A1CF: variants seen among roughly 807,000 people sequenced by gnomAD.
The protein encoded by A1CF is APOBEC1 complementation factor.
Under a neutral mutation model 68.9 loss-of-function variants are expected in A1CF, and 48 were observed. The ratio of observed to expected loss-of-function variants is 0.70; its 90% CI spans 0.55 to 0.89. The LOEUF is 0.89. Ranked by LOEUF, A1CF falls within the 40% of genes least tolerant of loss-of-function variation. The pLI, the probability that A1CF is intolerant of heterozygous loss-of-function variation, is 0.00. For missense variants in A1CF, 653 were observed against 718.9 expected, an observed-to-expected ratio of 0.91 and a Z score of 1.05; for synonymous variants, 272 against 260.4, an observed-to-expected ratio of 1.04 and a Z score of -0.43.
rs190187893 is a variant in A1CF, at chr10:50,877,334, A to G, written c.-94+8247T>C. ...TTCATTCATTCATACTTCTAGTGTTATGTTTCTCCCTCTCTTTTTAACCTT... is the reference window on the plus strand; with the variant it reads ...TTCATTCATTCATACTTCTAGTGTTGTGTTTCTCCCTCTCTTTTTAACCTT... On this transcript the variant is annotated intron_variant, in intron 1 of 12. Transcript: ENST00000373997. Among the ~76,000 whole-genome samples the G allele has an allele frequency of 8.5e-3, 1,292 of 152,212 alleles. 15 individuals carry two copies. Among genetic ancestry groups the G allele is most frequent in the African/African-American group, 0.03 (1,227 of 41,550 alleles).
chr10:50,864,626 C>CT lies in A1CF; in HGVS notation c.-93-547dup, dbSNP rs565026755. Among the ~76,000 whole-genome samples the CT allele has an allele frequency of 4.2e-4, 64 of 151,384 alleles. 2 individuals carry two copies. In the South Asian group the frequency reaches 9.8e-3, roughly 23 times the overall value. On this transcript the variant is annotated intron_variant, in intron 1 of 12. Coordinates refer to ENST00000373997, the MANE Select transcript of A1CF (RefSeq NM_014576.4). ...TAAAAATGGTCCCCTCTTTTCTTTA[C>CT]TTTTTTTTTGAGATGGAGTTTTGCT...
intron 1 of A1CF, among the ~76,000 whole-genome samples, chr10:50,865,681 T>C (rs1043980862): frequency 6.6e-6 from 1 of 152,128 alleles, no homozygotes; most frequent in Non-Finnish European, 1.5e-5. Context: ...TGGAATCTCT[T>C]TTCCTTCCCA....
chr10:50,815,914 C>T, intron 9 of A1CF, 92 bp downstream of exon 9: 3 of 1,412,178 alleles, frequency 2.1e-6, no homozygotes, highest in Non-Finnish European at 9.6e-7. Flanking sequence ...TGCTTTTCTC[C>T]AAGTGGACCC....
At chr10:50,824,593 T>C (rs1838833440) in intron 7 of A1CF, 1 of 152,216 alleles carries the variant, frequency 6.6e-6, no homozygotes, top group Non-Finnish European at 1.5e-5. Flanking sequence ...CTGGAATTTC[T>C]TAAACTTTTT....
intron 1 of A1CF, among the ~76,000 whole-genome samples, chr10:50,873,826 T>C (rs1841382167): frequency 6.6e-6 from 1 of 151,996 alleles, no homozygotes; most frequent in African/African-American, 2.4e-5. Context: ...CTGGAAAAAT[T>C]GCACTGTAAT....
intron 1 of A1CF, among the ~76,000 whole-genome samples, chr10:50,872,734 G>T (rs1451182055): frequency 6.6e-6 from 1 of 151,970 alleles, no homozygotes; most frequent in Non-Finnish European, 1.5e-5. Flanking sequence ...AGTGGTGTGG[G>T]TGGATTGTCT....
At chr10:50,861,555 ATAT>A (rs1840747089) in intron 2 of A1CF, among the ~76,000 whole-genome samples, 1 of 148,224 alleles carries the variant, frequency 6.7e-6, no homozygotes, top group South Asian at 2.1e-4. Flanking sequence ...CTACCTACTA[ATAT>A]TAGTATTAAT....
chr10:50,861,412 T>C (rs1840740263), intron 2 of A1CF, among the ~76,000 whole-genome samples: 1 of 149,432 alleles, frequency 6.7e-6, no homozygotes, highest in Non-Finnish European at 1.5e-5. Context: ...TCACTAATAG[T>C]AGTAATGATA....
Position 50,802,748 on chromosome 10 carries a change from A to T in A1CF, c.*3981T>A, listed in dbSNP as rs1479397868. ...ATAGGTTAGAATGCAATGAAAATTT[A>T]CCCCGAATATTAACTTGATTGCCCT... On this transcript the variant is annotated 3_prime_UTR_variant, in exon 13 of 13. Transcript: ENST00000373997. 1 of 152,170 alleles carries T rather than the reference A, an allele frequency of 6.6e-6. No homozygotes were observed. The highest frequency in any genetic ancestry group is 2.4e-5 in the African/African-American group (1 of 41,446). 9.4% of individuals were successfully genotyped at this position (152,170 alleles called of 1,614,324 possible). A position where few individuals can be genotyped will look rare whatever the true frequency, so the allele number is the denominator to read the frequency against.
intron 6 of A1CF, among the ~76,000 whole-genome samples, chr10:50,832,356 C>T (rs1016145831): frequency 2.0e-5 from 3 of 152,130 alleles, no homozygotes; most frequent in Non-Finnish European, 4.4e-5. Flanking sequence ...CGTTACTGAC[C>T]TCTGGACTAC....
rs140381811 is a variant in A1CF at position 50,808,246 on chromosome 10, C to T, written c.1610-1366G>A. ...TTGGAGCCTATTATTCTTTGCTTGACTCCACAGCAAAGTTATAAGAGAGGC... is the reference window on the plus strand; with the variant it reads ...TTGGAGCCTATTATTCTTTGCTTGATTCCACAGCAAAGTTATAAGAGAGGC... On this transcript the variant is annotated intron_variant, in intron 12 of 12. Transcript: ENST00000373997. Among the ~76,000 whole-genome samples the T allele has an allele frequency of 3.8e-3, 573 of 152,250 alleles. 3 individuals carry two copies. Among genetic ancestry groups the T allele is most frequent in the African/African-American group, 0.013 (530 of 41,550 alleles).
At chr10:50,814,119 C>G in intron 9 of A1CF, 81 bp from the exon 10 acceptor site, 1 of 1,527,874 alleles carries the variant, frequency 6.5e-7, no homozygotes. Flanking sequence ...CACCCTGAAT[C>G]TTACTGTAAT....
chr10:50,871,476 A>T (rs1429671470), intron 1 of A1CF, among the ~76,000 whole-genome samples: 1 of 152,046 alleles, frequency 6.6e-6, no homozygotes, highest in Admixed American at 6.6e-5. Flanking sequence ...CAATGAAATT[A>T]TTCTGAAATT....
chr10:50,869,999 G>C (rs939198948), intron 1 of A1CF, among the ~76,000 whole-genome samples: 1 of 151,676 alleles, frequency 6.6e-6, no homozygotes, highest in African/African-American at 2.4e-5. Flanking sequence ...ATGTGGTCAA[G>C]TTTCTATTCT....
At chr10:50,839,686 T>G (rs1450752832) in intron 5 of A1CF, among the ~76,000 whole-genome samples, 1 of 152,172 alleles carries the variant, frequency 6.6e-6, no homozygotes, top group Non-Finnish European at 1.5e-5. Context: ...GCCTTGGAAT[T>G]GAATGGTTAG....
At chr10:50,867,590 C>T (rs889863896) in intron 1 of A1CF, among the ~76,000 whole-genome samples, 3 of 152,166 alleles carry the variant, frequency 2.0e-5, no homozygotes, top group East Asian at 3.9e-4. Context: ...TTACAATGTA[C>T]ATTATTTGGA....
At chr10:50,818,683 T>C (rs1838489185) in intron 8 of A1CF, among the ~76,000 whole-genome samples, 1 of 152,220 alleles carries the variant, frequency 6.6e-6, no homozygotes, top group Admixed American at 6.5e-5. Flanking sequence ...AATAATGCTT[T>C]TCTTTATAGA....
At chr10:50,807,861 A>C (rs573142023) in intron 12 of A1CF, among the ~76,000 whole-genome samples, 1 of 152,200 alleles carries the variant, frequency 6.6e-6, no homozygotes, top group Admixed American at 6.5e-5. Flanking sequence ...GCCCAACCCC[A>C]GACACATTGA....
chr10:50,809,320 A>C (rs1286926401), intron 12 of A1CF, among the ~76,000 whole-genome samples: 5 of 152,228 alleles, frequency 3.3e-5, no homozygotes. Flanking sequence ...AAAATTTTTG[A>C]CTTTAAAAAA....
Sources: gnomAD v4.1 joint callset for allele counts (sites outside exome capture counted in the v4.1 genomes callset) on GRCh38, gnomAD v4.1.1 for gene constraint, MANE v1.5 for transcripts, NCBI Gene and HGNC (gene_info 2026-07-23, HGNC 2026-07-21) for gene names.